The following PDE3A variants were observed in gnomAD, a reference collection of about 807,000 sequenced individuals.
PDE3A encodes phosphodiesterase 3A.
In PDE3A, 43 loss-of-function variants were observed where a neutral mutation model predicts 98.3. That is an observed-to-expected ratio of 0.44 (90% CI 0.34 to 0.56). The LOEUF (loss-of-function observed/expected upper bound fraction) is 0.56, where lower values mean the gene tolerates loss of function less well. Among genes scored for constraint, PDE3A ranks in the 20% least tolerant of loss-of-function variants. The pLI is 0.01. For synonymous variants in PDE3A, 663 were observed against 567.9 expected, an observed-to-expected ratio of 1.17 and a Z score of -2.38; for missense variants, 1,427 against 1,440.7, an observed-to-expected ratio of 0.99 and a Z score of 0.15.
intron 1 of PDE3A, among the ~76,000 whole-genome samples, chr12:20,544,205 G>A (rs1010851541): frequency 6.7e-6 from 1 of 149,482 alleles, no homozygotes; most frequent in African/African-American, 2.4e-5. Context: ...TTTTATATGT[G>A]TATATATATT....
chr12:20,637,335 TA>T, intron 9 of PDE3A, 98 bp downstream of exon 9: 1 of 827,230 alleles, frequency 1.2e-6, no homozygotes, highest in South Asian at 2.2e-5. Flanking sequence ...GGATAGGTGT[TA>T]TGTGGAGAAA....
At chr12:20,456,578 C>T (rs1390144382) in intron 1 of PDE3A, among the ~76,000 whole-genome samples, 1 of 151,980 alleles carries the variant, frequency 6.6e-6, no homozygotes, top group Non-Finnish European at 1.5e-5. Context: ...TAATTAAAAA[C>T]GTGACCTACT....
chr12:20,435,132 G>T (rs1437898792), intron 1 of PDE3A, among the ~76,000 whole-genome samples: 1 of 152,118 alleles, frequency 6.6e-6, no homozygotes, highest in East Asian at 1.9e-4. Context: ...TGTCCTGGGG[G>T]GCCTTGAACT....
chr12:20,497,976 CT>C (rs952942700), intron 1 of PDE3A, among the ~76,000 whole-genome samples: 1 of 152,138 alleles, frequency 6.6e-6, no homozygotes, highest in African/African-American at 2.4e-5. Context: ...TGCTATCCCA[CT>C]GTTTACCAAT....
chr12:20,621,262 T>C (rs1303918229), intron 4 of PDE3A, 34 bp from the exon 5 acceptor site: 2 of 1,212,138 alleles, frequency 1.6e-6, no homozygotes, highest in Admixed American at 1.7e-5. Flanking sequence ...ATTTGTTTAA[T>C]TTTCTTTTAA....
chr12:20,648,089 A>G (rs1222726953), intron 12 of PDE3A, among the ~76,000 whole-genome samples: 1 of 151,370 alleles, frequency 6.6e-6, no homozygotes, highest in Non-Finnish European at 1.5e-5. Context: ...ATGTCATTTT[A>G]TGTCTCCGAA....
intron 2 of PDE3A, among the ~76,000 whole-genome samples, chr12:20,580,798 C>T (rs1308406575): frequency 6.6e-6 from 1 of 152,186 alleles, no homozygotes; most frequent in Non-Finnish European, 1.5e-5. Flanking sequence ...ACCCCCTCTG[C>T]ACACTCGCAT....
chr12:20,406,512 A>G (rs1424934900), intron 1 of PDE3A, among the ~76,000 whole-genome samples: 3 of 152,164 alleles, frequency 2.0e-5, no homozygotes, highest in African/African-American at 7.2e-5. Context: ...CTTGTTGGCC[A>G]TTTGTATGTC....
At chr12:20,444,610 G>A (rs994108568) in intron 1 of PDE3A, among the ~76,000 whole-genome samples, 8 of 152,104 alleles carry the variant, frequency 5.3e-5, no homozygotes, top group Non-Finnish European at 7.4e-5. Context: ...TGACATTTAC[G>A]AGCTCAAAAG....
At position 20,685,399 on chromosome 12, in the gene PDE3A, A is replaced by C. The variant is rs999986941; in HGVS notation, c.*5128A>C. ...ACTCCAGCCTGGGCAACAGGAGTTAAATTTTGCCTCAAAAAAAAAAAAAAA... is the reference window on the plus strand; with the variant it reads ...ACTCCAGCCTGGGCAACAGGAGTTACATTTTGCCTCAAAAAAAAAAAAAAA... On this transcript the variant is annotated 3_prime_UTR_variant, in exon 16 of 16. Coordinates refer to ENST00000359062, the MANE Select transcript of PDE3A (RefSeq NM_000921.5). Among the ~76,000 whole-genome samples, 6 of 121,360 alleles carry C rather than the reference A, an allele frequency of 4.9e-5. No homozygotes were observed. Among genetic ancestry groups the C allele is most frequent in the African/African-American group, 7.3e-5 (2 of 27,490 alleles). The allele number at this position is 121,360 out of a possible 152,430, so 79.6% of individuals were successfully genotyped here. A position where few individuals can be genotyped will look rare whatever the true frequency, so the allele number is the denominator to read the frequency against.
intron 5 of PDE3A, among the ~76,000 whole-genome samples, chr12:20,626,839 CTA>C (rs1270388892): frequency 6.6e-6 from 1 of 152,140 alleles, no homozygotes; most frequent in Non-Finnish European, 1.5e-5. Context: ...TAGACAAACA[CTA>C]TAGAAGCAGA....
rs762703080 is a variant in PDE3A at position 20,659,860 on chromosome 12, C to T, written c.3184+5655C>T. ...TCATCATTTACCTGGAAATGTGGAA[C>T]AAAAACTAGAGAGAAAATTATTCAT... On this transcript the variant is annotated intron_variant, in intron 15 of 15. Coordinates refer to ENST00000359062, the MANE Select transcript of PDE3A (RefSeq NM_000921.5). Among the ~76,000 whole-genome samples the T allele has an allele frequency of 2.1e-4, 32 of 152,140 alleles. 1 individual carries two copies. Among genetic ancestry groups the T allele is most frequent in the Non-Finnish European group, 2.4e-4 (16 of 68,016 alleles).
intron 2 of PDE3A, among the ~76,000 whole-genome samples, chr12:20,608,757 C>G (rs1265797625): frequency 6.6e-6 from 1 of 151,944 alleles, no homozygotes; most frequent in Non-Finnish European, 1.5e-5. Flanking sequence ...TTATTTAAAA[C>G]TTGTAATTCT....
At position 20,633,736 on chromosome 12, in the gene PDE3A, C is replaced by A; in HGVS notation, c.1804C>A (p.Leu602Met). ...CCAAGGGAATCCTGCTGATGAGCCC[C>A]TGGAGAGAAGTGGGGTAGCCACTCG... ...YSQGNPADEP[L>M]ERSGVATRTP... Residue 602 changes from leucine to methionine, a missense_variant, in exon 7 of 16, where the codon CTG (leucine) becomes ATG (methionine). By Grantham distance (15) the Leu-to-Met change is conservative (BLOSUM62 2). Coordinates refer to ENST00000359062, the MANE Select transcript of PDE3A (RefSeq NM_000921.5). 6.2e-7 allele frequency: 1 copy of A among 1,611,170 alleles called. No homozygotes were observed. The highest frequency in any genetic ancestry group is 8.5e-7 in the Non-Finnish European group (1 of 1,178,454).
At chr12:20,550,624 A>G (rs1412002015) in intron 1 of PDE3A, among the ~76,000 whole-genome samples, 3 of 152,140 alleles carry the variant, frequency 2.0e-5, no homozygotes, top group African/African-American at 7.2e-5. Context: ...TCAATTTTAT[A>G]TAATGATTAT....
At chr12:20,669,048 G>A (rs866531029) in intron 15 of PDE3A, among the ~76,000 whole-genome samples, 6,052 of 149,704 alleles carry the variant, frequency 0.04, 233 homozygotes, top group African/African-American at 0.093. Context: ...ACTACGTGAA[G>A]AATGCAGAAG....
intron 2 of PDE3A, among the ~76,000 whole-genome samples, chr12:20,608,322 T>C (rs1479297707): frequency 1.3e-5 from 2 of 152,170 alleles, no homozygotes; most frequent in Non-Finnish European, 2.9e-5. Context: ...TGTAACATAA[T>C]TTTATTCTAG....
At position 20,369,854 on chromosome 12, in the gene PDE3A, C is replaced by T. The variant is rs775990915; in HGVS notation, c.570C>T (p.Ala190=). 6.2e-6 allele frequency: 10 copies of T among 1,612,102 alleles called. No individual in the cohort carries two copies. The South Asian group carries it at 1.1e-4, about 18-fold the overall frequency. The change falls in exon 1 of 16, where the codon GCC becomes GCT. Residue 190 remains alanine, a synonymous_variant. Transcript: ENST00000359062. ...AGGATCACTTACTCTCACTCCCCGC[C>T]GCGGGGGTGGTGCTCAGCTGCTTGG... ...VGEDHLLSLP[A]AGVVLSCLAA...
At chr12:20,589,885 A>G (rs1039821486) in intron 2 of PDE3A, among the ~76,000 whole-genome samples, 58 of 151,890 alleles carry the variant, frequency 3.8e-4, no homozygotes, top group Admixed American at 1.4e-3. Context: ...AAAAAAAAAA[A>G]AAAAGAAAAA....
Sources: gnomAD v4.1 joint callset for allele counts (sites outside exome capture counted in the v4.1 genomes callset) on GRCh38, gnomAD v4.1.1 for gene constraint, MANE v1.5 for transcripts, NCBI Gene and HGNC (gene_info 2026-07-23, HGNC 2026-07-21) for gene names.